Variants in CDH3 observed in about 807,000 individuals in gnomAD.
CDH3 encodes cadherin 3.
A neutral mutation model predicts 82.0 loss-of-function variants in CDH3; 54 were observed. The ratio of observed to expected loss-of-function variants is 0.66; its 90% CI spans 0.53 to 0.83. The LOEUF (loss-of-function observed/expected upper bound fraction) is 0.83, where lower values mean the gene tolerates loss of function less well. Among genes scored for constraint, CDH3 ranks in the 40% least tolerant of loss-of-function variants. The probability of loss-of-function intolerance (pLI) is 0.00; values close to 1 mark genes in which losing one functional copy is unlikely to be tolerated. For missense variants in CDH3, 1,054 were observed against 1,084.6 expected, an observed-to-expected ratio of 0.97 and a Z score of 0.40; for synonymous variants, 446 against 437.9, an observed-to-expected ratio of 1.02 and a Z score of -0.23.
chr16:68,682,739 C>T (rs1567450462), intron 9 of CDH3, among the ~76,000 whole-genome samples: 1 of 152,146 alleles, frequency 6.6e-6, no homozygotes, highest in Admixed American at 6.6e-5. Context: ...CCTCCCAGAC[C>T]ACAGTGTCCA....
At chr16:68,689,701 A>G (rs913397412) in intron 12 of CDH3, among the ~76,000 whole-genome samples, 2 of 152,104 alleles carry the variant, frequency 1.3e-5, no homozygotes, top group Non-Finnish European at 2.9e-5. Flanking sequence ...TTCAGACTGG[A>G]GAGCTGTCTC....
intron 11 of CDH3, among the ~76,000 whole-genome samples, chr16:68,685,875 T>C (rs1026601353): frequency 6.6e-6 from 1 of 151,644 alleles, no homozygotes; most frequent in East Asian, 1.9e-4. Context: ...AACCCAAGAG[T>C]TGGGAGGGAG....
intron 2 of CDH3, among the ~76,000 whole-genome samples, chr16:68,661,561 T>C (rs538933564): frequency 4.4e-4 from 67 of 152,260 alleles, no homozygotes; most frequent in Non-Finnish European, 7.1e-4. Flanking sequence ...TGTTGGGTCA[T>C]GTGACTTTCA....
chr16:68,649,596 G>A (rs572822565), intron 2 of CDH3, among the ~76,000 whole-genome samples: 16 of 152,040 alleles, frequency 1.1e-4, no homozygotes, highest in African/African-American at 2.7e-4. Context: ...GTCCACAGTC[G>A]GTGTTTCACA....
At chr16:68,708,843 A>G (rs1265355460) in intron 1 of CDH3, among the ~76,000 whole-genome samples, 1 of 151,962 alleles carries the variant, frequency 6.6e-6, no homozygotes, top group Non-Finnish European at 1.5e-5. Flanking sequence ...GGGTTTTACC[A>G]TGTTGGTTAG....
In CDH3 at chr16:68,724,068, CAAA is replaced by C. The variant is rs55897906; in HGVS notation, c.*45+1468_*45+1470del. Among the ~76,000 whole-genome samples, 962 of 112,644 alleles carry C rather than the reference CAAA, an allele frequency of 8.5e-3. 20 individuals are homozygous for C. The highest frequency in any genetic ancestry group is 0.03 in the African/African-American group (792 of 26,694). The allele number at this position is 112,644 out of a possible 152,430, so 73.9% of individuals were successfully genotyped here. A position where few individuals can be genotyped will look rare whatever the true frequency, so the allele number is the denominator to read the frequency against. ...TGGGCGACAGAGCGAGACTCCGTCT[CAAA>C]AAAAAAAAAAAAAAATTAGCCGGGT... On this transcript the variant is annotated intron_variant, in intron 2 of 2. Coordinates refer to the CDH3 transcript ENST00000569080.
Position 68,645,753 on chromosome 16 carries a change from A to G in CDH3, c.160+3A>G. 2 of 1,542,126 alleles carry G rather than the reference A, an allele frequency of 1.3e-6. No individual in the cohort carries two copies. Among genetic ancestry groups the G allele is most frequent in the Non-Finnish European group, 1.7e-6 (2 of 1,144,774 alleles). On this transcript the variant is annotated splice_donor_region_variant and intron_variant, in intron 2 of 15. Coordinates refer to ENST00000264012, the MANE Select transcript of CDH3 (RefSeq NM_001793.6). ...GCCCGGCCAGGCGCTGGGGAAAGGTAAGATCCTCAGGGTGGAACCGCAGGG... is the reference window on the plus strand; with the variant it reads ...GCCCGGCCAGGCGCTGGGGAAAGGTGAGATCCTCAGGGTGGAACCGCAGGG...
intron 3 of CDH3, among the ~76,000 whole-genome samples, chr16:68,677,208 A>C (rs939176139): frequency 6.6e-6 from 1 of 152,196 alleles, no homozygotes; most frequent in African/African-American, 2.4e-5. Flanking sequence ...TTAACAGTGT[A>C]TCAGCACAGC....
At chr16:68,666,763 T>A (rs1471197864) in intron 2 of CDH3, among the ~76,000 whole-genome samples, 11 of 152,174 alleles carry the variant, frequency 7.2e-5, no homozygotes, top group Non-Finnish European at 4.4e-5. Context: ...ATGACCTGCT[T>A]TTTTCCCCCC....
At chr16:68,701,576 C>T (rs1961894893), downstream of CDH3, among the ~76,000 whole-genome samples, 1 of 148,574 alleles carries the variant, frequency 6.7e-6, no homozygotes, top group African/African-American at 2.5e-5. Flanking sequence ...GACAGAGTCT[C>T]ACTCTCCCCC....
chr16:68,678,590 A>G lies in CDH3; in HGVS notation c.480A>G (p.Val160=). Residue 160 remains valine (V), a synonymous_variant, in exon 5 of 16, where the codon GTA becomes GTG. Coordinates refer to ENST00000264012, the MANE Select transcript of CDH3 (RefSeq NM_001793.6). ...GCCCCCCTGAGGGTGTCTTCGCTGT[A>G]GAGAAGGAGACAGGCTGGTTGTTGT... ...ADSPPEGVFA[V]EKETGWLLLN... 6.2e-7 allele frequency: 1 copy of G among 1,614,212 alleles called. No homozygotes were observed. Among genetic ancestry groups the G allele is most frequent in the Non-Finnish European group, 8.5e-7 (1 of 1,180,032 alleles).
In CDH3 at chr16:68,682,295, C is replaced by CT; in HGVS notation, c.997-6dup. ...CTCTGATAGTGCTGTGCTTCTCACA[C>CT]TGACAGTACGAGGCCCATGTGCCTG... On this transcript the variant is annotated splice_region_variant and splice_polypyrimidine_tract_variant and intron_variant, in intron 8 of 15. Coordinates refer to ENST00000264012, the MANE Select transcript of CDH3 (RefSeq NM_001793.6). 1 of 1,613,356 alleles carries CT rather than the reference C, an allele frequency of 6.2e-7. No homozygotes were observed. The highest frequency in any genetic ancestry group is 1.1e-5 in the South Asian group (1 of 90,982).
chr16:68,686,573 A>G (rs1269285853), intron 11 of CDH3: 1 of 1,237,418 alleles, frequency 8.1e-7, no homozygotes, highest in Non-Finnish European at 1.2e-6. Context: ...AGTTAGCGTG[A>G]AAGTTGGAGA....
At chr16:68,694,812 T>G (rs954801675) in intron 13 of CDH3, among the ~76,000 whole-genome samples, 4 of 152,118 alleles carry the variant, frequency 2.6e-5, no homozygotes, top group African/African-American at 9.7e-5. Flanking sequence ...CGAAAGGTTT[T>G]CTTAAGGATC....
intron 8 of CDH3, among the ~76,000 whole-genome samples, chr16:68,681,556 C>G (rs1481106271): frequency 1.3e-5 from 2 of 152,210 alleles, no homozygotes; most frequent in African/African-American, 4.8e-5. Flanking sequence ...TGTAATGACG[C>G]CAGGGGCGGT....
Position 68,645,442 on chromosome 16 carries a change from C to G in CDH3, c.45+18C>G, listed in dbSNP as rs745349533. ...TTCTCCAGGTACTCCACAGCCTCGC[C>G]GTGGCCCCGACCGGGACCGCTCCCT... On this transcript the variant is annotated intron_variant, in intron 1 of 15. Coordinates refer to ENST00000264012, the MANE Select transcript of CDH3 (RefSeq NM_001793.6). The G allele has an allele frequency of 2.5e-6, 4 of 1,612,250 alleles. No individual in the cohort carries two copies. In the Admixed American group the frequency reaches 6.7e-5, roughly 27 times the overall value.
chr16:68,705,238 A>G (rs1961945503), downstream of CDH3, among the ~76,000 whole-genome samples: 1 of 152,164 alleles, frequency 6.6e-6, no homozygotes, highest in East Asian at 1.9e-4. Flanking sequence ...GGTGCCCTTC[A>G]GGTAATGCTT....
At chr16:68,671,694 G>T (rs954803847) in intron 2 of CDH3, among the ~76,000 whole-genome samples, 1 of 151,666 alleles carries the variant, frequency 6.6e-6, no homozygotes, top group African/African-American at 2.4e-5. Context: ...GCTAATTTCT[G>T]TATTTTTAGT....
At chr16:68,724,103 G>A (rs755889839) in intron 2 of CDH3, among the ~76,000 whole-genome samples, 104 of 146,080 alleles carry the variant, frequency 7.1e-4, no homozygotes, top group Non-Finnish European at 1.3e-3. Context: ...GGGTGTGGTG[G>A]CGCACACCGT....
Sources: gnomAD v4.1 joint callset for allele counts (sites outside exome capture counted in the v4.1 genomes callset) on GRCh38, gnomAD v4.1.1 for gene constraint, MANE v1.5 for transcripts, NCBI Gene and HGNC (gene_info 2026-07-23, HGNC 2026-07-21) for gene names.